RADX: variants seen among roughly 807,000 people sequenced by gnomAD.
RADX encodes the protein RPA1 related single stranded DNA binding protein, X-linked.
RADX carries 36 observed loss-of-function variants against 61.6 expected under a neutral mutation model. The ratio of observed to expected loss-of-function variants is 0.58; its 90% CI spans 0.45 to 0.77. RADX has a LOEUF of 0.77. Among genes scored for constraint, RADX ranks in the 30% least tolerant of loss-of-function variants. The pLI is 0.00. For missense variants in RADX, 497 were observed against 651.1 expected (o/e 0.76, Z 2.58); for synonymous variants, 272 against 237.9 (o/e 1.14, Z -1.32).
chrX:106,637,699 C>T (rs1244866154), intron 7 of RADX, 61 bp from the exon 8 acceptor site: 8 of 975,797 alleles, frequency 8.2e-6, no homozygotes, highest in Non-Finnish European at 1.1e-5. Flanking sequence ...AATTTGCATA[C>T]AGATTGTTAC....
chrX:106,677,072 C>T (rs767556859), intron 13 of RADX, among the ~76,000 whole-genome samples: 1 of 112,360 alleles, frequency 8.9e-6, no homozygotes, highest in East Asian at 2.8e-4. Flanking sequence ...GCAATGCCAC[C>T]ACCAGAAAAG....
intron 13 of RADX, among the ~76,000 whole-genome samples, chrX:106,672,410 T>C (rs1487945209): frequency 9.0e-6 from 1 of 111,372 alleles, no homozygotes; most frequent in Non-Finnish European, 1.9e-5. Context: ...TTGGACAAGA[T>C]CCAGGAGAAT....
intron 3 of RADX, among the ~76,000 whole-genome samples, chrX:106,628,415 A>G (rs1183424620): frequency 1.8e-5 from 2 of 111,603 alleles, no homozygotes; most frequent in African/African-American, 6.5e-5. Flanking sequence ...CATGGGAGAA[A>G]GTGTTAAGCA....
At chrX:106,640,528 T>G (rs767520398) in intron 9 of RADX, 24 bp from the exon 10 acceptor site, 2 of 1,103,864 alleles carry the variant, frequency 1.8e-6, no homozygotes, top group South Asian at 4.6e-5. Flanking sequence ...GCCTAAAGTG[T>G]TTTCTCTAAA....
At chrX:106,616,791 ATGT>A (rs1926813734) in intron 1 of RADX, among the ~76,000 whole-genome samples, 1 of 110,338 alleles carries the variant, frequency 9.1e-6, no homozygotes, top group South Asian at 3.8e-4. Flanking sequence ...CGGAAACTAG[ATGT>A]TGTGATAACT....
intron 13 of RADX, among the ~76,000 whole-genome samples, chrX:106,673,405 T>G (rs999675832): frequency 9.1e-6 from 1 of 110,413 alleles, no homozygotes; most frequent in Non-Finnish European, 1.9e-5. Flanking sequence ...TGGCCTAGAG[T>G]GTGTCTAGAA....
At chrX:106,646,091 G>A (rs991704576) in intron 10 of RADX, among the ~76,000 whole-genome samples, 35 of 109,820 alleles carry the variant, frequency 3.2e-4, no homozygotes, top group East Asian at 1.4e-3. Flanking sequence ...TTTTTGTCTC[G>A]AAATCGATTT....
intron 1 of RADX, among the ~76,000 whole-genome samples, chrX:106,617,108 C>T (rs1378374212): frequency 1.0e-5 from 1 of 95,983 alleles, no homozygotes; most frequent in Non-Finnish European, 2.0e-5. Flanking sequence ...CTGCAACCTT[C>T]GCCTCCCGGG....
At chrX:106,655,329 A>ATT (rs200737498) in intron 11 of RADX, among the ~76,000 whole-genome samples, 1 of 93,191 alleles carries the variant, frequency 1.1e-5, no homozygotes, top group African/African-American at 3.9e-5. Context: ...TATTAGCTTT[A>ATT]TTTTTTTTTC....
chrX:106,673,942 G>A (rs1462922594), intron 13 of RADX, among the ~76,000 whole-genome samples: 1 of 110,937 alleles, frequency 9.0e-6, no homozygotes, highest in Non-Finnish European at 1.9e-5. Context: ...CTGTAACAAG[G>A]GCAGCACTGA....
chrX:106,667,539 G>A (rs1928259067), intron 12 of RADX, among the ~76,000 whole-genome samples: 3 of 109,870 alleles, frequency 2.7e-5, no homozygotes, highest in African/African-American at 1.0e-4. Context: ...TACCCAGGCT[G>A]GTCTCGAACT....
In RADX at chrX:106,656,690, G is replaced by T. The variant is rs144984402; in HGVS notation, c.1979-5325G>T. Among the ~76,000 whole-genome samples the T allele has an allele frequency of 2.5e-4, 28 of 111,795 alleles. 2 individuals are homozygous for T. In the East Asian group the frequency reaches 6.2e-3, roughly 25 times the overall value. ...TCCGTCAGAGCTCCTGGTCATCAGA[G>T]CTCCTGAGTGACCAGGTGCATTGTC... On this transcript the variant is annotated intron_variant, in intron 11 of 13. Coordinates refer to ENST00000372548, the MANE Select transcript of RADX (RefSeq NM_018015.6).
intron 13 of RADX, 122 bp from the exon 14 acceptor site, chrX:106,678,006 A>G (rs920412994): frequency 2.6e-6 from 1 of 385,457 alleles, no homozygotes; most frequent in Non-Finnish European, 4.4e-6. Flanking sequence ...ATTGGAGGGA[A>G]GAGGGAGAGG....
Position 106,678,178 on chromosome X carries a change from A to G in RADX, c.2488A>G (p.Ile830Val). Residue 830 changes from isoleucine (I) to valine (V), a missense_variant, in exon 14 of 14, where the codon ATC becomes GTC. This residue lies in a region of RADX where 267 missense variants were observed against 306.9 expected (regional missense o/e 0.87). Transcript: ENST00000372548. ...ACTGGATAGAGTGCATATCGTCGGT[A>G]TCTTGGATATCTGTAATTTGGGTAA... ...TELDRVHIVG[I>V]LDICNLGNNK... 3.4e-6 allele frequency: 4 copies of G among 1,162,076 alleles called. No individual in the cohort carries two copies. Among genetic ancestry groups the G allele is most frequent in the Non-Finnish European group, 4.7e-6 (4 of 850,531 alleles).
intron 1 of RADX, among the ~76,000 whole-genome samples, chrX:106,620,624 A>G (rs1055691957): frequency 1.8e-4 from 20 of 110,845 alleles, no homozygotes; most frequent in African/African-American, 6.6e-4. Flanking sequence ...CAGTGACCTG[A>G]GATCACACCA....
intron 10 of RADX, among the ~76,000 whole-genome samples, chrX:106,645,728 G>T (rs772500482): frequency 4.5e-5 from 5 of 111,509 alleles, no homozygotes; most frequent in Non-Finnish European, 9.5e-5. Flanking sequence ...GTATTCTGCA[G>T]CTGTTGGATT....
At chrX:106,618,644 A>G (rs1926868980) in intron 1 of RADX, among the ~76,000 whole-genome samples, 1 of 110,588 alleles carries the variant, frequency 9.0e-6, no homozygotes, top group Admixed American at 9.6e-5. Context: ...ATCTTTAATA[A>G]AAATACCTTA....
At position 106,614,978 on chromosome X, in the gene RADX, C is replaced by T. The variant is rs955127317; in HGVS notation, c.643+2255C>T. Among the ~76,000 whole-genome samples the T allele has an allele frequency of 6.3e-5, 7 of 111,655 alleles. No homozygotes were observed. In the Admixed American group the frequency reaches 6.6e-4, roughly 11 times the overall value. ...ATCTTGTTACCCCAAAAGTCTCCCT[C>T]ATGCCTCCTCCTGGTCAGTACCCTA... is the stretch of plus-strand genomic sequence containing the variant. On this transcript the variant is annotated intron_variant, in intron 1 of 13. Transcript: ENST00000372548.
chrX:106,677,713 G>A (rs1009716419), intron 13 of RADX, among the ~76,000 whole-genome samples: 5 of 110,544 alleles, frequency 4.5e-5, no homozygotes, highest in African/African-American at 1.6e-4. Flanking sequence ...TTTGCTTTAT[G>A]GCTTATAGTT....
Sources: gnomAD v4.1 joint callset for allele counts (sites outside exome capture counted in the v4.1 genomes callset) on GRCh38, gnomAD v4.1.1 for gene constraint, gnomAD v4.1.1 regional missense constraint, MANE v1.5 for transcripts, NCBI Gene and HGNC (gene_info 2026-07-23, HGNC 2026-07-21) for gene names.